Variants in BTD observed in about 807,000 individuals in gnomAD.
The protein encoded by BTD is biotinidase.
Under a neutral mutation model 17.7 loss-of-function variants are expected in BTD, and 13 were observed. The observed-to-expected ratio is 0.74, with a 90% CI of 0.48 to 1.17. The LOEUF (loss-of-function observed/expected upper bound fraction) is 1.17. Ranked by LOEUF, BTD falls within the 50% of genes most tolerant of loss-of-function variation. The pLI is 0.00. For synonymous variants in BTD, 240 were observed against 245.2 expected, an observed-to-expected ratio of 0.98 and a Z score of 0.20; for missense variants, 674 against 650.4, an observed-to-expected ratio of 1.04 and a Z score of -0.39.
At chr3:15,653,776 C>T (rs1039065920), downstream of BTD, among the ~76,000 whole-genome samples, 8 of 152,052 alleles carry the variant, frequency 5.3e-5, no homozygotes, top group African/African-American at 1.7e-4. Context: ...ATTGTTGATC[C>T]GACTATGGAT....
At position 15,644,820 on chromosome 3, in the gene BTD, T is replaced by C. The variant is rs1261074761; in HGVS notation, c.904T>C (p.Tyr302His). 1 of 1,614,178 alleles carries C rather than the reference T, an allele frequency of 6.2e-7. No individual in the cohort carries two copies. ...ACACACCCCTCTGGAGTCCTTTTGG[T>C]ACCATGACATGGAAAATCCCAAAAG... Reference protein sequence around the residue: ...GIHTPLESFWYHDMENPKSHL... With the variant: ...GIHTPLESFWHHDMENPKSHL... The change falls in exon 4 of 4, where the codon TAC becomes CAC. Residue 302 changes from tyrosine to histidine, a missense_variant. Coordinates refer to ENST00000643237, the MANE Select transcript of BTD (RefSeq NM_001370658.1).
At chr3:15,682,907 G>A (rs148028319) in intron 3 of BTD, among the ~76,000 whole-genome samples, 173 of 152,272 alleles carry the variant, frequency 1.1e-3, no homozygotes, top group Non-Finnish European at 1.9e-3. Context: ...TTTGCTACAG[G>A]CTGAAAATCA....
intron 3 of BTD, among the ~76,000 whole-genome samples, chr3:15,685,787 TAG>T (rs1057115043): frequency 2.0e-5 from 3 of 152,356 alleles, no homozygotes; most frequent in African/African-American, 7.2e-5. Flanking sequence ...CTAAAAGTTT[TAG>T]AGTTTTAAAA....
At chr3:15,720,089 C>G (rs2073536521) in intron 4 of BTD, among the ~76,000 whole-genome samples, 1 of 151,802 alleles carries the variant, frequency 6.6e-6, no homozygotes, top group Admixed American at 6.6e-5. Flanking sequence ...GTCCTGAATT[C>G]CTAGGCTCAA....
chr3:15,662,860 T>G (rs1423288603), intron 3 of BTD, among the ~76,000 whole-genome samples: 1 of 150,992 alleles, frequency 6.6e-6, no homozygotes, highest in African/African-American at 2.4e-5. Flanking sequence ...GAGGTTTTTT[T>G]TTTTTTTTTT....
chr3:15,655,415 A>G (rs1043953988), downstream of BTD, among the ~76,000 whole-genome samples: 4 of 152,254 alleles, frequency 2.6e-5, no homozygotes, highest in Non-Finnish European at 5.9e-5. Flanking sequence ...CTTGTGTTCT[A>G]CTGGCCCCTG....
chr3:15,630,396 T>G (rs550976504), intron 1 of BTD, among the ~76,000 whole-genome samples: 1 of 152,170 alleles, frequency 6.6e-6, no homozygotes, highest in Non-Finnish European at 1.5e-5. Context: ...CTATAGAAAG[T>G]GAAAGACAGA....
At chr3:15,633,026 A>G (rs1220686034) in intron 1 of BTD, among the ~76,000 whole-genome samples, 1 of 152,198 alleles carries the variant, frequency 6.6e-6, no homozygotes, top group East Asian at 1.9e-4. Flanking sequence ...AGTCCCTTAT[A>G]TCAAATGGTG....
chr3:15,678,143 G>T, intron 3 of BTD: 1 of 1,437,764 alleles, frequency 7.0e-7, no homozygotes, highest in Non-Finnish European at 9.3e-7. Flanking sequence ...AGAAGTCTTG[G>T]GATCTAAGTT....
At chr3:15,685,353 G>A (rs770843830) in intron 3 of BTD, 14 of 1,614,016 alleles carry the variant, frequency 8.7e-6, no homozygotes, top group East Asian at 2.2e-5. Context: ...CAGCAGACAG[G>A]TGTATAGGCG....
intron 3 of BTD, chr3:15,668,610 C>A (rs2125558591): frequency 6.6e-6 from 1 of 152,524 alleles, no homozygotes; most frequent in East Asian, 1.9e-4. Flanking sequence ...TCATTAAATA[C>A]AACTCACATC....
At chr3:15,697,646 A>C (rs2069841858) in intron 3 of BTD, among the ~76,000 whole-genome samples, 1 of 152,076 alleles carries the variant, frequency 6.6e-6, no homozygotes, top group Non-Finnish European at 1.5e-5. Flanking sequence ...TGCTGGATTC[A>C]GTTTGCCAGT....
Position 15,647,829 on chromosome 3 carries a change from T to G in BTD, c.*2341T>G, listed in dbSNP as rs537557200. Among the ~76,000 whole-genome samples, 1 of 152,306 alleles carries G rather than the reference T, an allele frequency of 6.6e-6. No individual in the cohort carries two copies. The highest frequency in any genetic ancestry group is 2.1e-4 in the South Asian group (1 of 4,830). On this transcript the variant is annotated 3_prime_UTR_variant, in exon 4 of 4. Coordinates refer to ENST00000643237, the MANE Select transcript of BTD (RefSeq NM_001370658.1). ...GTGCAGCTGTGCTTTTCTGTGGTTT[T>G]TCTCACACGGGAAGTGAGAGGCACA...
chr3:15,602,988 A>G (rs950507385), intron 1 of BTD, among the ~76,000 whole-genome samples: 1 of 152,216 alleles, frequency 6.6e-6, no homozygotes, highest in Non-Finnish European at 1.5e-5. Flanking sequence ...CATGTCTTAC[A>G]TGGTGGCAGG....
At chr3:15,605,022 A>G (rs553617985) in intron 1 of BTD, among the ~76,000 whole-genome samples, 6 of 152,240 alleles carry the variant, frequency 3.9e-5, no homozygotes, top group East Asian at 1.9e-4. Flanking sequence ...GAGCCCTCCA[A>G]ACTGTTCCAA....
At chr3:15,613,418 T>C (rs1025814390) in intron 1 of BTD, among the ~76,000 whole-genome samples, 1 of 152,184 alleles carries the variant, frequency 6.6e-6, no homozygotes, top group African/African-American at 2.4e-5. Context: ...GATGTTTTAA[T>C]TTTTTCTTCT....
At chr3:15,721,742 G>T (rs532747338) in intron 4 of BTD, among the ~76,000 whole-genome samples, 1 of 152,008 alleles carries the variant, frequency 6.6e-6, no homozygotes, top group Non-Finnish European at 1.5e-5. Flanking sequence ...TGTAATTAAG[G>T]GTTTTGCTTT....
intron 3 of BTD, among the ~76,000 whole-genome samples, chr3:15,665,982 A>G (rs778888333): frequency 6.6e-6 from 1 of 152,210 alleles, no homozygotes; most frequent in Non-Finnish European, 1.5e-5. Flanking sequence ...GGCATGAGTA[A>G]GAGTGATTAA....
chr3:15,617,183 A>G (rs1381147942), intron 1 of BTD, among the ~76,000 whole-genome samples: 1 of 152,134 alleles, frequency 6.6e-6, no homozygotes, highest in Non-Finnish European at 1.5e-5. Context: ...TTGAGTTTTA[A>G]CAGTTCTTTG....
Sources: gnomAD v4.1 joint callset for allele counts (sites outside exome capture counted in the v4.1 genomes callset) on GRCh38, gnomAD v4.1.1 for gene constraint, MANE v1.5 for transcripts, NCBI Gene and HGNC (gene_info 2026-07-23, HGNC 2026-07-21) for gene names.